The following PTPRK variants were observed in gnomAD, a reference collection of about 807,000 sequenced individuals.
PTPRK encodes receptor-type tyrosine-protein phosphatase kappa.
Under a neutral mutation model 178.0 loss-of-function variants are expected in PTPRK, and 75 were observed. The observed-to-expected ratio is 0.42, with a 90% confidence interval of 0.35 to 0.51. PTPRK has a LOEUF of 0.51. Among genes scored for constraint, PTPRK ranks in the 20% least tolerant of loss-of-function variants. The pLI, the probability that PTPRK is intolerant of heterozygous loss-of-function variation, is 0.02. For synonymous variants in PTPRK, 637 were observed against 620.6 expected, an observed-to-expected ratio of 1.03 and a Z score of -0.39; for missense variants, 1,441 against 1,797.8, an observed-to-expected ratio of 0.80 and a Z score of 3.59.
Position 128,189,514 on chromosome 6 carries a change from C to T in PTPRK, c.869-4789G>A, listed in dbSNP as rs182877236. Among the ~76,000 whole-genome samples the T allele has an allele frequency of 2.8e-4, 42 of 152,106 alleles. 1 individual carries two copies. Among genetic ancestry groups the T allele is most frequent in the Admixed American group, 2.6e-3 (39 of 15,280 alleles). On this transcript the variant is annotated intron_variant, in intron 6 of 29. Coordinates refer to ENST00000368226, the MANE Select transcript of PTPRK (RefSeq NM_002844.4). The stretch of plus-strand genomic sequence containing the variant: ...TCGGCCTCCCAAAATGCTGGGATTA[C>T]AGGTGTGAGCCACCACACCTGGCCC...
chr6:128,021,007 T>TA (rs1410920367), intron 13 of PTPRK, among the ~76,000 whole-genome samples: 1 of 152,200 alleles, frequency 6.6e-6, no homozygotes, highest in Non-Finnish European at 1.5e-5. Flanking sequence ...GAACCAGATT[T>TA]AAAAAATGAT....
chr6:128,047,253 A>G (rs967418528), intron 13 of PTPRK, among the ~76,000 whole-genome samples: 8 of 152,196 alleles, frequency 5.3e-5, no homozygotes, highest in African/African-American at 1.9e-4. Flanking sequence ...CACTGAAGTC[A>G]AAGATTTTTA....
intron 7 of PTPRK, among the ~76,000 whole-genome samples, chr6:128,170,869 C>G (rs1490118459): frequency 1.3e-5 from 2 of 151,062 alleles, no homozygotes; most frequent in Non-Finnish European, 2.9e-5. Flanking sequence ...ATATTGCAAA[C>G]TAGCATTTTT....
At chr6:128,270,313 T>C (rs1163559785) in intron 3 of PTPRK, among the ~76,000 whole-genome samples, 1 of 152,124 alleles carries the variant, frequency 6.6e-6, no homozygotes, top group Non-Finnish European at 1.5e-5. Flanking sequence ...GAGGAAACCT[T>C]AGAAAGTATC....
At position 128,083,792 on chromosome 6, in the gene PTPRK, C is replaced by T; in HGVS notation, c.1498G>A (p.Gly500Arg). The T allele has an allele frequency of 1.2e-6, 2 of 1,603,770 alleles. No homozygotes were observed. The highest frequency in any genetic ancestry group is 1.7e-5 in the Admixed American group (1 of 59,046). Residue 500 changes from glycine to arginine, a missense_variant, in exon 9 of 30, where the codon GGA becomes AGA. Coordinates refer to ENST00000368226, the MANE Select transcript of PTPRK (RefSeq NM_002844.4). ...AAGATCTTATTTTCAAAGGATGTTC[C>T]TTGAAGAGATTTTACTGGTACGGGA... ...PGPVPVKSLQ[G>R]TSFENKIFLN...
chr6:128,112,512 G>T (rs1312869999), intron 7 of PTPRK, among the ~76,000 whole-genome samples: 2 of 152,082 alleles, frequency 1.3e-5, no homozygotes, highest in Non-Finnish European at 2.9e-5. Flanking sequence ...GCTCAGCAAA[G>T]GGAAAACACT....
chr6:128,221,177 G>C (rs1418538239), intron 5 of PTPRK, among the ~76,000 whole-genome samples: 1 of 152,028 alleles, frequency 6.6e-6, no homozygotes, highest in African/African-American at 2.4e-5. Context: ...TTGTACATTT[G>C]AAATTATATT....
At chr6:128,228,592 G>A (rs1177920627) in intron 5 of PTPRK, among the ~76,000 whole-genome samples, 5 of 150,518 alleles carry the variant, frequency 3.3e-5, no homozygotes, top group East Asian at 1.9e-4. Flanking sequence ...CCCGGGAGGC[G>A]GAGCTTGCAG....
chr6:128,345,831 T>A (rs1055959579), intron 2 of PTPRK, among the ~76,000 whole-genome samples: 1 of 152,186 alleles, frequency 6.6e-6, no homozygotes. Context: ...TACCAAAGGC[T>A]GTGAGATAAT....
At chr6:128,333,741 T>A (rs1054468490) in intron 2 of PTPRK, among the ~76,000 whole-genome samples, 80 of 152,152 alleles carry the variant, frequency 5.3e-4, no homozygotes, top group Non-Finnish European at 1.6e-4. Context: ...TTTCTTATCA[T>A]CTGGGTGTTC....
intron 1 of PTPRK, among the ~76,000 whole-genome samples, chr6:128,469,642 A>C (rs9491960): frequency 0.26 from 39,712 of 152,038 alleles, 5,759 homozygotes; most frequent in African/African-American, 0.37. Flanking sequence ...GCCCCCAACA[A>C]ACACAAGTGT....
intron 5 of PTPRK, among the ~76,000 whole-genome samples, chr6:128,220,666 C>T (rs1810236172): frequency 6.6e-6 from 1 of 152,196 alleles, no homozygotes; most frequent in African/African-American, 2.4e-5. Flanking sequence ...ATTTGAACCA[C>T]CAGTGTATGT....
chr6:128,395,897 T>G (rs565185544), intron 2 of PTPRK, among the ~76,000 whole-genome samples: 1 of 152,148 alleles, frequency 6.6e-6, no homozygotes, highest in Non-Finnish European at 1.5e-5. Context: ...TAATTCATTC[T>G]ATTATAAAAG....
At chr6:128,105,023 A>T (rs12110357) in intron 7 of PTPRK, among the ~76,000 whole-genome samples, 2 of 152,038 alleles carry the variant, frequency 1.3e-5, no homozygotes, top group African/African-American at 4.8e-5. Context: ...AATGATATTC[A>T]TTTTTAATTG....
At chr6:128,108,069 A>AACACACACACACACAC (rs67513455) in intron 7 of PTPRK, among the ~76,000 whole-genome samples, 7 of 133,808 alleles carry the variant, frequency 5.2e-5, no homozygotes, top group African/African-American at 8.6e-5. Flanking sequence ...TAAATAGCAA[A>AACACACACACACACAC]ACACACACAC....
chr6:128,464,363 G>A (rs933403363), intron 1 of PTPRK, among the ~76,000 whole-genome samples: 3 of 151,646 alleles, frequency 2.0e-5, no homozygotes, highest in Admixed American at 1.3e-4. Flanking sequence ...ATTACTTAAG[G>A]TCCCTAGGAC....
At chr6:128,280,110 T>C (rs1264129236) in intron 3 of PTPRK, among the ~76,000 whole-genome samples, 2 of 152,190 alleles carry the variant, frequency 1.3e-5, no homozygotes, top group South Asian at 2.1e-4. Context: ...ATCTCCTAAA[T>C]CTGAAAACAC....
chr6:128,180,423 G>A (rs1801729394), intron 7 of PTPRK, among the ~76,000 whole-genome samples: 1 of 152,060 alleles, frequency 6.6e-6, no homozygotes, highest in South Asian at 2.1e-4. Context: ...ACAATAGCAT[G>A]GGTCAGAGTA....
At chr6:128,265,357 CTATAAA>C (rs982486844) in intron 3 of PTPRK, among the ~76,000 whole-genome samples, 4 of 152,128 alleles carry the variant, frequency 2.6e-5, no homozygotes, top group Admixed American at 6.6e-5. Context: ...AGAAAATTTA[CTATAAA>C]TATAAATAAC....
Sources: allele counts gnomAD v4.1 joint callset (sites outside exome capture counted in the v4.1 genomes callset), GRCh38; gene constraint gnomAD v4.1.1; transcripts MANE v1.5; gene names NCBI Gene and HGNC (gene_info 2026-07-23, HGNC 2026-07-21).